The following ANKRD24 variants were observed in gnomAD, a reference collection of about 807,000 sequenced individuals.
ANKRD24 encodes the protein ankyrin repeat domain-containing protein 24.
In ANKRD24, 109 loss-of-function variants were observed where a neutral mutation model predicts 127.8. That is an observed-to-expected ratio of 0.85 (90% CI 0.73 to 1.00). The LOEUF is 1.00. ANKRD24 is among the 50% of genes least tolerant of loss of function. The pLI is 0.00. For missense variants in ANKRD24, 1,648 were observed against 1,570.2 expected (o/e 1.05, Z -0.84); for synonymous variants, 743 against 671.1 (o/e 1.11, Z -1.66).
chr19:4,209,727 C>T (rs950959247), intron 11 of ANKRD24, among the ~76,000 whole-genome samples: 2 of 152,198 alleles, frequency 1.3e-5, no homozygotes, highest in African/African-American at 4.8e-5. Context: ...GCTGGGATTA[C>T]AGGTGTGAGC....
intron 18 of ANKRD24, 120 bp downstream of exon 18, chr19:4,218,283 T>TTTTTTTTATTTATTTATTTATTTA (rs1970243081): frequency 1.5e-6 from 1 of 658,082 alleles, no homozygotes; most frequent in African/African-American, 2.0e-5. Context: ...ACCTACTTTA[T>TTTTTTTTATTTATTTATTTATTTA]TTTATTTATT....
chr19:4,218,845 G>A (rs1786643277), intron 18 of ANKRD24, among the ~76,000 whole-genome samples: 1 of 145,688 alleles, frequency 6.9e-6, no homozygotes, highest in Non-Finnish European at 1.5e-5. Flanking sequence ...ATAGCTCACT[G>A]CAACCTCCAC....
At chr19:4,192,894 A>T (rs1968461120) in intron 2 of ANKRD24, among the ~76,000 whole-genome samples, 1 of 152,034 alleles carries the variant, frequency 6.6e-6, no homozygotes, top group African/African-American at 2.4e-5. Flanking sequence ...TGATTGTACC[A>T]CTGCACTCCA....
At chr19:4,220,758 T>C (rs1258891040) in intron 19 of ANKRD24, among the ~76,000 whole-genome samples, 3 of 151,992 alleles carry the variant, frequency 2.0e-5, no homozygotes, top group Non-Finnish European at 4.4e-5. Flanking sequence ...GGTTTCACCA[T>C]GTTAGCTGGG....
intron 19 of ANKRD24, among the ~76,000 whole-genome samples, chr19:4,222,036 A>G (rs1333559817): frequency 1.3e-5 from 2 of 152,222 alleles, no homozygotes; most frequent in Non-Finnish European, 2.9e-5. Flanking sequence ...TTGAGTGCCT[A>G]CTGTTGACTA....
At chr19:4,182,849 TC>T in intron 1 of ANKRD24, 109 bp downstream of exon 1, 1 of 613,814 alleles carries the variant, frequency 1.6e-6, no homozygotes, top group Non-Finnish European at 2.0e-6. Context: ...ACACAGGCTA[TC>T]CATGTCCCCA....
intron 2 of ANKRD24, among the ~76,000 whole-genome samples, chr19:4,196,393 T>C (rs1470452507): frequency 1.3e-5 from 2 of 152,136 alleles, no homozygotes; most frequent in African/African-American, 4.8e-5. Context: ...TTATTTGTTT[T>C]GCAGTGGAGT....
At chr19:4,207,121 C>T in intron 7 of ANKRD24, 121 bp from the exon 8 acceptor site, 1 of 627,016 alleles carries the variant, frequency 1.6e-6, no homozygotes, top group African/African-American at 1.9e-5. Flanking sequence ...CAGGGTCTCA[C>T]TGTGTTGGCC....
Position 4,199,658 on chromosome 19 carries a change from C to G in ANKRD24, c.37-25C>G. On this transcript the variant is annotated intron_variant, in intron 2 of 21. Transcript: ENST00000318934. This position sits in a 1 kb window ranked among gnomAD's most constrained non-coding sequence, Gnocchi z 5.2. ...GGGGGACACTGTCTGAGGACCCCCTCGCCCAGGACCACCTCCCCCTGCAGC... is the reference window on the plus strand; with the variant it reads ...GGGGGACACTGTCTGAGGACCCCCTGGCCCAGGACCACCTCCCCCTGCAGC... The G allele has an allele frequency of 6.6e-7, 1 of 1,514,316 alleles. No homozygotes were observed. Among genetic ancestry groups the G allele is most frequent in the Non-Finnish European group, 8.8e-7 (1 of 1,136,386 alleles). 93.8% of individuals were successfully genotyped at this position (1,514,316 alleles called of 1,614,324 possible).
chr19:4,213,488 C>T (rs776864738), intron 15 of ANKRD24, among the ~76,000 whole-genome samples: 1 of 134,478 alleles, frequency 7.4e-6, no homozygotes, highest in Non-Finnish European at 1.5e-5. Context: ...CAGAGTCTCG[C>T]TCTGTCACCC....
rs1344294679 is a variant in ANKRD24 at position 4,195,184 on chromosome 19, TGCCTCA to T, written c.37-4497_37-4492del. ...GCCTCCCGGGTGCACGCCATTCTCC[TGCCTCA>T]GTCTCCCGAGTAGCTGGGACTACAG... On this transcript the variant is annotated intron_variant, in intron 2 of 21. Transcript: ENST00000318934. This position sits in a 1 kb window ranked among gnomAD's most constrained non-coding sequence, Gnocchi z 4.2. Among the ~76,000 whole-genome samples, 1 of 152,130 alleles carries T rather than the reference TGCCTCA, an allele frequency of 6.6e-6. No homozygotes were observed. Among genetic ancestry groups the T allele is most frequent in the Non-Finnish European group, 1.5e-5 (1 of 68,020 alleles).
In ANKRD24 at chr19:4,218,001, C is replaced by A; in HGVS notation, c.2841C>A (p.Ala947=). Residue 947 remains alanine (A), a synonymous_variant, in exon 18 of 22, where the codon GCC becomes GCA. Coordinates refer to ENST00000318934, the MANE Select transcript of ANKRD24 (RefSeq NM_001393985.1). The part of the protein sequence containing the change: ...EQEVVATGKE[A]ARLRAELERE... The stretch of plus-strand genomic sequence containing the variant: ...AGGTGGTGGCCACGGGCAAGGAGGC[C>A]GCCCGGCTGCGCGCGGAGCTGGAGC... 1 of 1,535,496 alleles carries A rather than the reference C, an allele frequency of 6.5e-7. No homozygotes were observed.
intron 13 of ANKRD24, 85 bp downstream of exon 13, chr19:4,210,457 T>G: frequency 2.5e-6 from 3 of 1,223,856 alleles, no homozygotes; most frequent in Non-Finnish European, 3.4e-6. Flanking sequence ...TTCTCCCACC[T>G]TCCCTCCTCC....
At position 4,222,662 on chromosome 19, in the gene ANKRD24, A is replaced by C. The variant is rs1384626758; in HGVS notation, c.3172-8A>C. 1 of 1,596,810 alleles carries C rather than the reference A, an allele frequency of 6.3e-7. No homozygotes were observed. The highest frequency in any genetic ancestry group is 1.3e-5 in the African/African-American group (1 of 74,648). ...TAGGGTGATCGCTGACAGCACCTGCACCCTCAGATCACAGAACTCTCCAAA... is the reference window on the plus strand; with the variant it reads ...TAGGGTGATCGCTGACAGCACCTGCCCCCTCAGATCACAGAACTCTCCAAA... On this transcript the variant is annotated splice_polypyrimidine_tract_variant and splice_region_variant and intron_variant, in intron 19 of 21. Coordinates refer to ENST00000318934, the MANE Select transcript of ANKRD24 (RefSeq NM_001393985.1).
chr19:4,211,021 C>T (rs1382967012), intron 13 of ANKRD24, among the ~76,000 whole-genome samples: 2 of 151,698 alleles, frequency 1.3e-5, no homozygotes, highest in East Asian at 2.0e-4. Flanking sequence ...TTAGTAGAGA[C>T]GGGGTTTCAG....
intron 5 of ANKRD24, among the ~76,000 whole-genome samples, chr19:4,200,702 A>G (rs1279136951): frequency 1.3e-5 from 2 of 152,032 alleles, no homozygotes; most frequent in Non-Finnish European, 2.9e-5. Context: ...TTCTATTCTT[A>G]GTAGGGATGG....
chr19:4,188,208 G>T (rs1968176537), intron 2 of ANKRD24, among the ~76,000 whole-genome samples: 1 of 151,806 alleles, frequency 6.6e-6, no homozygotes. Context: ...CTCCCGAGTA[G>T]CTGGGATTAC....
chr19:4,207,133 A>G, intron 7 of ANKRD24, 109 bp from the exon 8 acceptor site: 1 of 727,770 alleles, frequency 1.4e-6, no homozygotes, highest in South Asian at 1.5e-5. Context: ...GTGTTGGCCC[A>G]GGTTGGTCTC....
intron 2 of ANKRD24, among the ~76,000 whole-genome samples, chr19:4,194,962 T>TCTGA (rs1225854371): frequency 2.0e-5 from 3 of 151,900 alleles, no homozygotes; most frequent in African/African-American, 7.3e-5. Flanking sequence ...GGGCATTTGC[T>TCTGA]CTGATTGATT....
Sources: allele counts gnomAD v4.1 joint callset (sites outside exome capture counted in the v4.1 genomes callset), GRCh38; gene constraint gnomAD v4.1.1; non-coding constraint Gnocchi (gnomAD v3.1); transcripts MANE v1.5; gene names NCBI Gene and HGNC (gene_info 2026-07-23, HGNC 2026-07-21).